EPC1: variants seen among roughly 807,000 people sequenced by gnomAD.
EPC1 encodes the protein enhancer of polycomb homolog 1.
In EPC1, 12 loss-of-function variants were observed where a neutral mutation model predicts 98.4. That is an observed-to-expected ratio of 0.12 (90% CI 0.08 to 0.20). The LOEUF (loss-of-function observed/expected upper bound fraction) is 0.20. Ranked by LOEUF, EPC1 falls within the 10% of genes least tolerant of loss-of-function variation. EPC1 has a pLI of 1.00. For missense variants in EPC1, 729 were observed against 990.5 expected (o/e 0.74, Z 3.54); for synonymous variants, 357 against 363.9 (o/e 0.98, Z 0.21).
chr10:32,369,916 TTTAA>T (rs1441594359), intron 1 of EPC1, among the ~76,000 whole-genome samples: 1 of 152,154 alleles, frequency 6.6e-6, no homozygotes, highest in East Asian at 1.9e-4. Flanking sequence ...TTGGGAGGTG[TTTAA>T]TTAAGTCATG....
intron 1 of EPC1, among the ~76,000 whole-genome samples, chr10:32,345,953 A>G (rs1354939452): frequency 1.3e-5 from 2 of 152,196 alleles, no homozygotes; most frequent in Non-Finnish European, 2.9e-5. Flanking sequence ...TTCAGAAGAG[A>G]GAGGTACTCC....
intron 1 of EPC1, among the ~76,000 whole-genome samples, chr10:32,354,269 A>C (rs1459240812): frequency 2.0e-5 from 3 of 152,162 alleles, no homozygotes; most frequent in Non-Finnish European, 2.9e-5. Context: ...ACAACAACAA[A>C]AAAGAAATGA....
At chr10:32,273,025 T>C (rs764437236) in intron 11 of EPC1, 138 bp downstream of exon 11, 1 of 1,614,148 alleles carries the variant, frequency 6.2e-7, no homozygotes, top group Non-Finnish European at 8.5e-7. Context: ...TGTAGTGTTC[T>C]TTCTAAACCC....
At chr10:32,272,966 G>GCAC in intron 11 of EPC1, 197 bp downstream of exon 11, 1 of 1,519,626 alleles carries the variant, frequency 6.6e-7, no homozygotes, top group Non-Finnish European at 9.1e-7. Flanking sequence ...AAGTGCTTTA[G>GCAC]TTTTACTTTT....
chr10:32,340,778 T>C (rs933084456), intron 1 of EPC1, among the ~76,000 whole-genome samples: 29 of 152,098 alleles, frequency 1.9e-4, no homozygotes, highest in African/African-American at 5.8e-4. Flanking sequence ...TGCAGTGAGC[T>C]ATGATCGTGT....
chr10:32,336,623 AG>A (rs1053778582), intron 1 of EPC1, among the ~76,000 whole-genome samples: 2 of 152,086 alleles, frequency 1.3e-5, no homozygotes, highest in African/African-American at 4.8e-5. Flanking sequence ...CTCACTCTTG[AG>A]GTGATGACCT....
intron 1 of EPC1, among the ~76,000 whole-genome samples, chr10:32,312,874 A>G (rs1375444564): frequency 6.6e-6 from 1 of 152,242 alleles, no homozygotes; most frequent in African/African-American, 2.4e-5. Flanking sequence ...TAAAGACAAG[A>G]AACAAAATAA....
rs565696044 is a variant in EPC1 at position 32,289,482 on chromosome 10, C to A, written c.975+1681G>T. On this transcript the variant is annotated intron_variant, in intron 6 of 13. Transcript: ENST00000319778. ...CATTCTAACTGTGTGGCAGGTTGTA[C>A]ATTCAGGCTTGAAGGTCTGTTTACC... Among the ~76,000 whole-genome samples, 712 of 151,778 alleles carry A rather than the reference C, an allele frequency of 4.7e-3. 7 individuals carry two copies. Among genetic ancestry groups the A allele is most frequent in the Middle Eastern group, 0.017 (5 of 294 alleles).
chr10:32,297,978 T>A (rs1479584927), intron 2 of EPC1, among the ~76,000 whole-genome samples: 1 of 151,922 alleles, frequency 6.6e-6, no homozygotes, highest in Non-Finnish European at 1.5e-5. Flanking sequence ...TTTGTATTTT[T>A]AGTGGAGATG....
At chr10:32,322,864 G>A (rs1168961539) in intron 1 of EPC1, among the ~76,000 whole-genome samples, 2 of 152,106 alleles carry the variant, frequency 1.3e-5, no homozygotes, top group Non-Finnish European at 2.9e-5. Context: ...AAGAAGGGAT[G>A]ATTAACGGGT....
chr10:32,346,806 G>C lies in EPC1; in HGVS notation c.110C>G (p.Ala37Gly). ...CATTCCGGTGGGCATCTGCGGCACG[G>C]CCCTGTTTATCGAGGCGTATTCGTG... ...DLHEYASINR[A>G]VPQMPTGMEK... The change falls in exon 1 of 14, where the codon GCC (alanine) becomes GGC (glycine). Residue 37 changes from alanine to glycine, a missense_variant. Coordinates refer to ENST00000319778, the MANE Select transcript of EPC1 (RefSeq NM_001272004.3). The C allele has an allele frequency of 1.2e-6, 2 of 1,614,168 alleles. No individual in the cohort carries two copies. Among genetic ancestry groups the C allele is most frequent in the Non-Finnish European group, 1.7e-6 (2 of 1,180,010 alleles).
chr10:32,323,449 G>T (rs988268652), intron 1 of EPC1, among the ~76,000 whole-genome samples: 1 of 152,074 alleles, frequency 6.6e-6, no homozygotes, highest in Non-Finnish European at 1.5e-5. Flanking sequence ...AATATTATTT[G>T]ATACCATAAA....
chr10:32,284,498 T>A (rs947501708), intron 10 of EPC1, 200 bp downstream of exon 10: 26 of 468,568 alleles, frequency 5.5e-5, no homozygotes, highest in African/African-American at 4.9e-4. Context: ...TGTATGCAGG[T>A]ATGTTTAAAT....
chr10:32,289,100 T>G (rs1836856152), intron 6 of EPC1, among the ~76,000 whole-genome samples: 1 of 149,430 alleles, frequency 6.7e-6, no homozygotes, highest in African/African-American at 2.4e-5. Flanking sequence ...AAAAAAAAAG[T>G]AACAGTGGGA....
In EPC1 at chr10:32,374,739, A is replaced by G. The variant is rs532669813; in HGVS notation, c.3+3752T>C. On this transcript the variant is annotated intron_variant, in intron 1 of 13. Transcript: ENST00000375110. Reference sequence around the variant, plus strand: ...ACATCTAAGACCTTAGATTTAAAGTATCTTTAGAACTCTAACCACATTGGA... The same window carrying G: ...ACATCTAAGACCTTAGATTTAAAGTGTCTTTAGAACTCTAACCACATTGGA... Among the ~76,000 whole-genome samples, 200 of 152,272 alleles carry G rather than the reference A, an allele frequency of 1.3e-3. 3 individuals are homozygous for G. The South Asian group carries it at 0.019, about 15-fold the overall frequency.
Position 32,373,603 on chromosome 10 carries a change from G to A in EPC1, c.3+4888C>T, listed in dbSNP as rs1050978501. On this transcript the variant is annotated intron_variant, in intron 1 of 13. Transcript: ENST00000375110. ...TACAAACCTGGCCAATGAGCTCTAA[G>A]AAACACTGTGCTATGGGGCTTCTGA... 2.0e-5 allele frequency among the ~76,000 whole-genome samples: 3 copies of A among 152,210 alleles called. No homozygotes were observed. In the South Asian group the frequency reaches 6.2e-4, roughly 32 times the overall value.
At chr10:32,314,958 TTCTC>T (rs1302286400) in intron 1 of EPC1, among the ~76,000 whole-genome samples, 2 of 152,228 alleles carry the variant, frequency 1.3e-5, no homozygotes, top group South Asian at 2.1e-4. Context: ...TAGGAAGAAT[TTCTC>T]TCTCATCTGT....
intron 1 of EPC1, among the ~76,000 whole-genome samples, chr10:32,315,001 G>A (rs1836472178): frequency 6.6e-6 from 1 of 152,142 alleles, no homozygotes; most frequent in Admixed American, 6.5e-5. Flanking sequence ...TTTATACTTA[G>A]GGCATTGTGC....
chr10:32,311,626 T>C (rs1836235569), intron 1 of EPC1, among the ~76,000 whole-genome samples: 1 of 152,072 alleles, frequency 6.6e-6, no homozygotes, highest in Non-Finnish European at 1.5e-5. Context: ...TTCTCCCTTA[T>C]CCACAGGGGA....
Sources: gnomAD v4.1 joint callset for allele counts (sites outside exome capture counted in the v4.1 genomes callset) on GRCh38, gnomAD v4.1.1 for gene constraint, MANE v1.5 for transcripts, NCBI Gene and HGNC (gene_info 2026-07-23, HGNC 2026-07-21) for gene names.